PAK3: variants seen among roughly 807,000 people sequenced by gnomAD.
PAK3 encodes the protein p21 (RAC1) activated kinase 3.
PAK3 carries 4 observed loss-of-function variants against 41.0 expected under a neutral mutation model. That is an observed-to-expected ratio of 0.10 (90% confidence interval 0.05 to 0.22). The LOEUF is 0.22. PAK3 is among the 10% of genes least tolerant of loss of function. The pLI, the probability that PAK3 is intolerant of heterozygous loss-of-function variation, is 1.00. For synonymous variants in PAK3, 146 were observed against 139.6 expected, an observed-to-expected ratio of 1.05 and a Z score of -0.32; for missense variants, 205 against 409.9, an observed-to-expected ratio of 0.50 and a Z score of 4.32.
At chrX:111,213,031 T>G (rs1340887166) in intron 16 of PAK3, among the ~76,000 whole-genome samples, 4 of 112,057 alleles carry the variant, frequency 3.6e-5, no homozygotes, top group Non-Finnish European at 1.9e-5. Context: ...ATGAAGAATT[T>G]TTAAAACATC....
intron 16 of PAK3, among the ~76,000 whole-genome samples, chrX:111,210,564 AG>A (rs1443026341): frequency 4.5e-5 from 5 of 111,777 alleles, no homozygotes; most frequent in Non-Finnish European, 9.4e-5. Flanking sequence ...TTAGGTTCTG[AG>A]CTTTAATACT....
At chrX:111,201,140 T>A (rs2094678316) in intron 16 of PAK3, among the ~76,000 whole-genome samples, 1 of 112,485 alleles carries the variant, frequency 8.9e-6, no homozygotes, top group South Asian at 3.6e-4. Context: ...ACTCTCTGTA[T>A]GTGTGATCAA....
In PAK3 at chrX:110,997,277, G is replaced by T. The variant is rs1359405314; in HGVS notation, c.-28+52649G>T. 2.7e-5 allele frequency among the ~76,000 whole-genome samples: 3 copies of T among 111,179 alleles called. No individual in the cohort carries two copies. In the East Asian group the frequency reaches 8.5e-4, roughly 32 times the overall value. On this transcript the variant is annotated intron_variant, in intron 1 of 14. Transcript: ENST00000425146. ...TTACTGAGTAAGAAGGGGTATCATA[G>T]AGCAGAGGGTAATATCATCTGACTT...
chrX:111,192,014 T>C lies in PAK3; in HGVS notation c.831-113T>C, dbSNP rs1603373055. ...AAAGGTTGTTCCTTTTCTTACCTCATAATTTTGAGTTTGCTAATTTTCCTC... is the reference window on the plus strand; with the variant it reads ...AAAGGTTGTTCCTTTTCTTACCTCACAATTTTGAGTTTGCTAATTTTCCTC... On this transcript the variant is annotated intron_variant, in intron 11 of 17. Transcript: ENST00000372007. 3.4e-5 allele frequency: 17 copies of C among 499,888 alleles called. No homozygotes were observed. In the South Asian group the frequency reaches 4.5e-4, roughly 13 times the overall value. The allele number at this position is 499,888 out of a possible 1,213,427, so 41.2% of individuals were successfully genotyped here. A position where few individuals can be genotyped will look rare whatever the true frequency, so the allele number is the denominator to read the frequency against.
intron 1 of PAK3, among the ~76,000 whole-genome samples, chrX:111,065,119 A>G (rs1475839917): frequency 8.9e-6 from 1 of 112,273 alleles, no homozygotes; most frequent in East Asian, 2.8e-4. Flanking sequence ...GAGAGTGAGC[A>G]TCCTTGTTTT....
chrX:111,106,229 G>A (rs754256981), intron 4 of PAK3, among the ~76,000 whole-genome samples: 105 of 110,907 alleles, frequency 9.5e-4, no homozygotes, highest in Admixed American at 2.3e-3. Flanking sequence ...TACTCACTTC[G>A]CTACACACGT....
intron 7 of PAK3, among the ~76,000 whole-genome samples, chrX:111,151,672 A>G (rs1233076319): frequency 1.8e-5 from 2 of 112,097 alleles, no homozygotes; most frequent in Non-Finnish European, 3.8e-5. Context: ...TTCTATACCT[A>G]CTTACCTGTG....
intron 1 of PAK3, among the ~76,000 whole-genome samples, chrX:110,973,834 A>T (rs1389425167): frequency 8.9e-6 from 1 of 111,986 alleles, no homozygotes; most frequent in Non-Finnish European, 1.9e-5. Context: ...ATGTGCAAAG[A>T]TGCACATAGG....
At chrX:111,169,700 T>C (rs931614248) in intron 10 of PAK3, among the ~76,000 whole-genome samples, 7 of 111,705 alleles carry the variant, frequency 6.3e-5, no homozygotes, top group Non-Finnish European at 1.3e-4. Flanking sequence ...GCATATGTCC[T>C]GGAACTCTGA....
rs774252619 is a variant in PAK3, at chrX:111,151,123, A to T, written c.431-1287A>T. Among the ~76,000 whole-genome samples, 4 of 112,348 alleles carry T rather than the reference A, an allele frequency of 3.6e-5. No homozygotes were observed. The East Asian group carries it at 1.1e-3, about 31-fold the overall frequency. ...TTTTACTATATTTAAGCTTCCACAT[A>T]GAATAAAATATCTAAGAGATCCTGG... On this transcript the variant is annotated intron_variant, in intron 7 of 17. Coordinates refer to ENST00000372007, the MANE Select transcript of PAK3 (RefSeq NM_002578.5).
At chrX:110,997,589 A>G (rs189537563) in intron 1 of PAK3, among the ~76,000 whole-genome samples, 18 of 112,047 alleles carry the variant, frequency 1.6e-4, no homozygotes, top group African/African-American at 5.8e-4. Flanking sequence ...TAGCCTAGGC[A>G]TCTATAATAA....
intron 1 of PAK3, among the ~76,000 whole-genome samples, chrX:110,948,815 T>C (rs1234846541): frequency 1.8e-5 from 2 of 112,161 alleles, no homozygotes; most frequent in Non-Finnish European, 3.8e-5. Context: ...AGGATTTCTG[T>C]TAGCCACAAG....
chrX:111,037,312 T>C (rs1602948557), intron 1 of PAK3, among the ~76,000 whole-genome samples: 2 of 111,915 alleles, frequency 1.8e-5, no homozygotes, highest in Non-Finnish European at 3.8e-5. Context: ...CCCTCTCTCA[T>C]GTTGTGGTGA....
intron 1 of PAK3, among the ~76,000 whole-genome samples, chrX:111,037,121 T>G (rs2092407866): frequency 9.0e-6 from 1 of 111,246 alleles, no homozygotes; most frequent in South Asian, 3.8e-4. Flanking sequence ...GCTTTTGTAT[T>G]TTTAATAGGG....
chrX:111,072,638 T>C (rs2092754312), intron 1 of PAK3, among the ~76,000 whole-genome samples: 1 of 112,289 alleles, frequency 8.9e-6, no homozygotes, highest in South Asian at 3.7e-4. Flanking sequence ...AAGACCCCCA[T>C]ATGTTTATTT....
chrX:111,058,072 A>C (rs1334042947), intron 1 of PAK3, among the ~76,000 whole-genome samples: 2 of 112,355 alleles, frequency 1.8e-5, no homozygotes, highest in Non-Finnish European at 3.8e-5. Context: ...TTGGTGATTC[A>C]TGCAACATTT....
intron 13 of PAK3, 107 bp from the exon 14 acceptor site, chrX:111,194,194 C>G: frequency 1.7e-6 from 1 of 580,865 alleles, no homozygotes; most frequent in East Asian, 3.3e-5. Context: ...AGGTAATGGG[C>G]ATAGCACAAC....
At chrX:111,170,007 T>C (rs1163415894) in intron 10 of PAK3, among the ~76,000 whole-genome samples, 1 of 111,052 alleles carries the variant, frequency 9.0e-6, no homozygotes, top group African/African-American at 3.3e-5. Context: ...AGGATCCTGA[T>C]AGAGATGTAG....
intron 6 of PAK3, among the ~76,000 whole-genome samples, chrX:111,143,089 A>T: frequency 9.0e-6 from 1 of 110,971 alleles, no homozygotes; most frequent in Non-Finnish European, 1.9e-5. Flanking sequence ...AGTGAACTCC[A>T]TCAAAATGTA....
Sources: allele counts gnomAD v4.1 joint callset (sites outside exome capture counted in the v4.1 genomes callset), GRCh38; gene constraint gnomAD v4.1.1; transcripts MANE v1.5; gene names NCBI Gene and HGNC (gene_info 2026-07-23, HGNC 2026-07-21).